The following PLXNA4 variants were observed in gnomAD, a reference collection of about 807,000 sequenced individuals.
PLXNA4 encodes the protein plexin A4.
In PLXNA4, 44 loss-of-function variants were observed where a neutral mutation model predicts 191.8. The observed-to-expected ratio is 0.23, with a 90% CI of 0.18 to 0.29. The LOEUF is 0.29. Ranked by LOEUF, PLXNA4 falls within the 10% of genes least tolerant of loss-of-function variation. The pLI is 1.00. For synonymous variants in PLXNA4, 1,082 were observed against 1,009.5 expected (o/e 1.07, Z -1.36); for missense variants, 1,800 against 2,488.8 (o/e 0.72, Z 5.89).
intron 1 of PLXNA4, among the ~76,000 whole-genome samples, chr7:132,648,120 C>T (rs544956142): frequency 1.8e-4 from 28 of 152,076 alleles, no homozygotes; most frequent in Non-Finnish European, 4.0e-4. Flanking sequence ...CACATATGCA[C>T]TCACACATAC....
intron 1 of PLXNA4, among the ~76,000 whole-genome samples, chr7:132,552,339 A>G (rs914960377): frequency 5.9e-5 from 9 of 152,176 alleles, no homozygotes; most frequent in Admixed American, 2.0e-4. Context: ...CTCAGCAAAC[A>G]CTTGGTCAAA....
chr7:132,181,324 C>A, intron 18 of PLXNA4, 57 bp downstream of exon 18: 1 of 1,604,140 alleles, frequency 6.2e-7, no homozygotes, highest in Non-Finnish European at 8.5e-7. Context: ...TGAACACCCC[C>A]TTCCATGCAG....
At chr7:132,198,699 G>A (rs1751752390) in intron 12 of PLXNA4, 63 bp from the exon 13 acceptor site, 2 of 1,581,120 alleles carry the variant, frequency 1.3e-6, no homozygotes, top group South Asian at 1.2e-5. Context: ...TTGCTGATGA[G>A]GCAAGGAGAG....
intron 13 of PLXNA4, among the ~76,000 whole-genome samples, chr7:132,197,946 T>C (rs1404175403): frequency 6.6e-6 from 1 of 152,186 alleles, no homozygotes; most frequent in African/African-American, 2.4e-5. Context: ...TACAAGGCCA[T>C]GCATGATTCA....
chr7:132,535,452 C>T (rs6467441), intron 1 of PLXNA4, among the ~76,000 whole-genome samples: 149,515 of 152,272 alleles, frequency 0.98, 73,462 homozygotes, highest in East Asian at 1. Context: ...CCCTTGGTAA[C>T]GGCCTTTTGT....
chr7:132,208,012 C>G (rs1797681480), intron 10 of PLXNA4, among the ~76,000 whole-genome samples: 1 of 152,154 alleles, frequency 6.6e-6, no homozygotes, highest in Non-Finnish European at 1.5e-5. Context: ...TCATCTGTAA[C>G]AGGATTAAGT....
intron 4 of PLXNA4, among the ~76,000 whole-genome samples, chr7:132,268,989 G>A (rs1254301660): frequency 6.6e-6 from 1 of 152,116 alleles, no homozygotes; most frequent in African/African-American, 2.4e-5. Context: ...CAAAAGTGGG[G>A]GCTATGTAAA....
intron 5 of PLXNA4, among the ~76,000 whole-genome samples, chr7:132,239,362 TG>T (rs1798805273): frequency 6.6e-6 from 1 of 152,096 alleles, no homozygotes; most frequent in Admixed American, 6.5e-5. Flanking sequence ...CCGTGCTCTG[TG>T]GGGCTGGGAC....
intron 3 of PLXNA4, among the ~76,000 whole-genome samples, chr7:132,447,053 C>A (rs1327204265): frequency 1.3e-5 from 2 of 152,182 alleles, no homozygotes; most frequent in Non-Finnish European, 2.9e-5. Flanking sequence ...TTTCATCCTC[C>A]TATCCCCTCT....
intron 1 of PLXNA4, among the ~76,000 whole-genome samples, chr7:132,646,196 C>G (rs183998752): frequency 6.6e-6 from 1 of 152,190 alleles, no homozygotes; most frequent in Non-Finnish European, 1.5e-5. Flanking sequence ...CTAATCTCCC[C>G]TCTGTCAGTC....
intron 3 of PLXNA4, among the ~76,000 whole-genome samples, chr7:132,349,263 A>C (rs1450590819): frequency 6.6e-6 from 1 of 152,150 alleles, no homozygotes; most frequent in African/African-American, 2.4e-5. Context: ...CTATGTATAG[A>C]AGCCACGTCA....
intron 3 of PLXNA4, among the ~76,000 whole-genome samples, chr7:132,349,879 T>A (rs1406518174): frequency 6.6e-6 from 1 of 152,182 alleles, no homozygotes; most frequent in Non-Finnish European, 1.5e-5. Context: ...TTTTTTTAAG[T>A]ATATTTTTTC....
intron 2 of PLXNA4, among the ~76,000 whole-genome samples, chr7:132,583,040 A>G (rs977212956): frequency 6.6e-6 from 1 of 152,192 alleles, no homozygotes; most frequent in African/African-American, 2.4e-5. Flanking sequence ...AAGCATCCAC[A>G]AACAGAATAC....
At chr7:132,581,097 C>T (rs1802394507), upstream of PLXNA4, among the ~76,000 whole-genome samples, 1 of 152,224 alleles carries the variant, frequency 6.6e-6, no homozygotes, top group Non-Finnish European at 1.5e-5. Flanking sequence ...GAGGGATGGG[C>T]AGCAGCTCTC....
At chr7:132,494,361 T>C (rs1346172593) in intron 2 of PLXNA4, among the ~76,000 whole-genome samples, 2 of 152,144 alleles carry the variant, frequency 1.3e-5, no homozygotes, top group African/African-American at 4.8e-5. Context: ...AAGTCTTGGG[T>C]GGGGGCTCAG....
chr7:132,578,583 G>T (rs114358668), upstream of PLXNA4, among the ~76,000 whole-genome samples: 525 of 152,308 alleles, frequency 3.4e-3, 4 homozygotes, highest in African/African-American at 0.012. Context: ...GGAGCTGTGA[G>T]ATGACAGCTT....
chr7:132,404,988 G>A (rs1286951135), intron 3 of PLXNA4, among the ~76,000 whole-genome samples: 3 of 152,004 alleles, frequency 2.0e-5, no homozygotes, highest in Non-Finnish European at 2.9e-5. Flanking sequence ...TGAGTCTGAC[G>A]TTCTACTTTA....
chr7:132,201,765 C>T (rs1358691637), intron 12 of PLXNA4, among the ~76,000 whole-genome samples: 1 of 152,144 alleles, frequency 6.6e-6, no homozygotes. Flanking sequence ...TGGAAGAGTG[C>T]AGGAGTGGGA....
rs555797045 is a variant in PLXNA4, at chr7:132,431,392, C to T, written c.1371+57900G>A. On this transcript the variant is annotated intron_variant, in intron 3 of 31. Transcript: ENST00000321063. ...TCAGGAAGCTGACATACACCCTCCT[C>T]GTCACTCCTCAGCCAGCTAGTGAAA... Among the ~76,000 whole-genome samples, 8 of 152,246 alleles carry T rather than the reference C, an allele frequency of 5.3e-5. No individual in the cohort carries two copies. In the South Asian group the frequency reaches 6.2e-4, roughly 12 times the overall value.
Sources: allele counts gnomAD v4.1 joint callset (sites outside exome capture counted in the v4.1 genomes callset), GRCh38; gene constraint gnomAD v4.1.1; transcripts MANE v1.5; gene names NCBI Gene and HGNC (gene_info 2026-07-23, HGNC 2026-07-21).